The following CATSPERE variants were observed in gnomAD, a reference collection of about 807,000 sequenced individuals.
CATSPERE encodes catsper channel auxiliary subunit epsilon, also known as cation channel sperm-associated auxiliary subunit epsilon.
CATSPERE carries 93 observed loss-of-function variants against 114.1 expected under a neutral mutation model. That is an observed-to-expected ratio of 0.81 (90% CI 0.69 to 0.97). The LOEUF is 0.97. CATSPERE is among the 50% of genes least tolerant of loss of function. CATSPERE has a pLI of 0.00. For synonymous variants in CATSPERE, 341 were observed against 384.1 expected (o/e 0.89, Z 1.31); for missense variants, 1,058 against 1,131.6 (o/e 0.93, Z 0.93).
At chr1:244,567,304 G>A (rs1663733424) in intron 10 of CATSPERE, among the ~76,000 whole-genome samples, 1 of 152,152 alleles carries the variant, frequency 6.6e-6, no homozygotes, top group African/African-American at 2.4e-5. Context: ...CAACCTTGGT[G>A]AATCTGATGA....
At chr1:244,609,630 G>A (rs1670452243) in intron 18 of CATSPERE, among the ~76,000 whole-genome samples, 2 of 151,996 alleles carry the variant, frequency 1.3e-5, no homozygotes, top group East Asian at 3.9e-4. Flanking sequence ...GAAGATCTTT[G>A]TAATAAGAAA....
chr1:244,533,362 A>G (rs1679910391), intron 8 of CATSPERE, among the ~76,000 whole-genome samples: 1 of 152,068 alleles, frequency 6.6e-6, no homozygotes, highest in Non-Finnish European at 1.5e-5. Flanking sequence ...ATCCAGTGTT[A>G]TTATTGATAA....
chr1:244,617,631 A>G lies in CATSPERE; in HGVS notation c.2593A>G (p.Met865Val). ...SSNGNHIFWP[M>V]GHSGMYVFRV... The stretch of plus-strand genomic sequence containing the variant: ...TAATGGTAACCATATATTTTGGCCC[A>G]TGGGCCATTCTGGAATGTATGTATT... Residue 865 changes from methionine (M) to valine (V), a missense_variant, in exon 20 of 22, where the codon ATG becomes GTG. Physicochemically the swap from Met to Val is conservative, Grantham distance 21. Around this residue, in one of 2 missense-constraint regions of CATSPERE, gnomAD observed 787 missense variants for 905.6 expected, o/e 0.87. Coordinates refer to ENST00000366534, the MANE Select transcript of CATSPERE (RefSeq NM_001130957.2). 1 of 1,545,540 alleles carries G rather than the reference A, an allele frequency of 6.5e-7. No individual in the cohort carries two copies. Among genetic ancestry groups the G allele is most frequent in the Non-Finnish European group, 8.7e-7 (1 of 1,145,602 alleles).
intron 8 of CATSPERE, among the ~76,000 whole-genome samples, chr1:244,526,078 A>G (rs1188840730): frequency 6.6e-6 from 1 of 152,214 alleles, no homozygotes; most frequent in Non-Finnish European, 1.5e-5. Context: ...GTGAGTGGGT[A>G]GCCAACGTAG....
At chr1:244,496,036 G>A (rs756294880) in intron 6 of CATSPERE, among the ~76,000 whole-genome samples, 2 of 152,142 alleles carry the variant, frequency 1.3e-5, no homozygotes, top group African/African-American at 2.4e-5. Context: ...ATATTCAGGC[G>A]TGTGAAATCA....
chr1:244,537,968 A>G (rs1680621428), intron 8 of CATSPERE, among the ~76,000 whole-genome samples: 1 of 152,100 alleles, frequency 6.6e-6, no homozygotes, highest in East Asian at 1.9e-4. Flanking sequence ...ATAATAGTGG[A>G]TTTTTCTATT....
At position 244,562,265 on chromosome 1, in the gene CATSPERE, G is replaced by A. The variant is rs577218263; in HGVS notation, c.1507+1120G>A. On this transcript the variant is annotated intron_variant, in intron 10 of 21. Coordinates refer to ENST00000366534, the MANE Select transcript of CATSPERE (RefSeq NM_001130957.2). ...ACAATACATATAATAGATATAAAAC[G>A]AATGCCATTTTAACTGCTGTGTATT... Among the ~76,000 whole-genome samples, 9 of 150,124 alleles carry A rather than the reference G, an allele frequency of 6.0e-5. No individual in the cohort carries two copies. In the South Asian group the frequency reaches 6.3e-4, roughly 11 times the overall value.
At position 244,461,437 on chromosome 1, in the gene CATSPERE, C is replaced by A. The variant is rs555071608; in HGVS notation, c.8C>A (p.Ala3Asp). 86 of 1,384,758 alleles carry A rather than the reference C, an allele frequency of 6.2e-5. 1 individual carries two copies. In the East Asian group the frequency reaches 2.3e-3, roughly 36 times the overall value. 85.8% of individuals were successfully genotyped at this position (1,384,758 alleles called of 1,614,324 possible). ...GGAGGCGGAGCAGGCGCCATGTCAG[C>A]CCGGGAAGTGGCCGTGCTGCTGCTG... MS[A>D]REVAVLLLWL... The change falls in exon 1 of 22, where the codon GCC (alanine) becomes GAC (aspartate). Residue 3 changes from alanine (A) to aspartate (D), a missense_variant. By Grantham distance (126) the Ala-to-Asp change is moderately radical. Around this residue, in one of 2 missense-constraint regions of CATSPERE, gnomAD observed 271 missense variants for 225.9 expected, o/e 1.20. Coordinates refer to ENST00000366534, the MANE Select transcript of CATSPERE (RefSeq NM_001130957.2).
intron 10 of CATSPERE, among the ~76,000 whole-genome samples, chr1:244,563,658 C>A (rs1662940674): frequency 6.6e-6 from 1 of 152,106 alleles, no homozygotes; most frequent in Admixed American, 6.5e-5. Flanking sequence ...TGGATATTAG[C>A]CCTTTGTCAG....
chr1:244,567,611 T>C (rs1260696441), intron 10 of CATSPERE, among the ~76,000 whole-genome samples: 15 of 151,900 alleles, frequency 9.9e-5, no homozygotes, highest in African/African-American at 3.4e-4. Flanking sequence ...TAATCTCTGA[T>C]ATCCTTTCTT....
At chr1:244,586,964 T>G (rs1667108730) in intron 13 of CATSPERE, among the ~76,000 whole-genome samples, 1 of 152,334 alleles carries the variant, frequency 6.6e-6, no homozygotes, top group East Asian at 1.9e-4. Context: ...TATTTTTAAC[T>G]TTCACTATCT....
chr1:244,517,626 A>G (rs993438146), intron 7 of CATSPERE, among the ~76,000 whole-genome samples: 2 of 151,836 alleles, frequency 1.3e-5, no homozygotes, highest in Non-Finnish European at 2.9e-5. Flanking sequence ...AAAAAAAATT[A>G]GTGGGGCATG....
chr1:244,594,302 A>G (rs1304574467), intron 17 of CATSPERE, among the ~76,000 whole-genome samples: 1 of 152,256 alleles, frequency 6.6e-6, no homozygotes, highest in Non-Finnish European at 1.5e-5. Flanking sequence ...CCTGGGCAAC[A>G]GAGTGAGACC....
intron 11 of CATSPERE, among the ~76,000 whole-genome samples, chr1:244,581,129 G>A (rs1049562790): frequency 1.3e-5 from 2 of 151,980 alleles, no homozygotes; most frequent in Admixed American, 1.3e-4. Flanking sequence ...GGGAATCATT[G>A]CATGTATATT....
chr1:244,622,198 T>C (rs1037235005), intron 20 of CATSPERE, among the ~76,000 whole-genome samples: 1 of 151,994 alleles, frequency 6.6e-6, no homozygotes, highest in East Asian at 1.9e-4. Flanking sequence ...CTAGGGGAAA[T>C]GGGAGAAAGA....
At chr1:244,533,234 A>G (rs1397965221) in intron 8 of CATSPERE, among the ~76,000 whole-genome samples, 1 of 151,762 alleles carries the variant, frequency 6.6e-6, no homozygotes, top group African/African-American at 2.4e-5. Context: ...TTTATTTTCA[A>G]TTTATTCATG....
At chr1:244,483,262 A>G (rs148639314) in intron 5 of CATSPERE, among the ~76,000 whole-genome samples, 48 of 152,360 alleles carry the variant, frequency 3.2e-4, no homozygotes, top group African/African-American at 1.1e-3. Flanking sequence ...AGAAGATTCT[A>G]TAGTAATTTA....
At chr1:244,631,324 T>C (rs551374437) in intron 20 of CATSPERE, among the ~76,000 whole-genome samples, 54 of 152,180 alleles carry the variant, frequency 3.5e-4, no homozygotes, top group Admixed American at 2.3e-3. Flanking sequence ...TAGACCTAAA[T>C]GTAAAATGCA....
chr1:244,453,289 C>T (rs1665794152), upstream of CATSPERE, among the ~76,000 whole-genome samples: 1 of 152,204 alleles, frequency 6.6e-6, no homozygotes, highest in Non-Finnish European at 1.5e-5. Context: ...TAGTGTTGGG[C>T]AGATAGTAGA....
Sources: gnomAD v4.1 joint callset for allele counts (sites outside exome capture counted in the v4.1 genomes callset) on GRCh38, gnomAD v4.1.1 for gene constraint, gnomAD v4.1.1 regional missense constraint, MANE v1.5 for transcripts, NCBI Gene and HGNC (gene_info 2026-07-23, HGNC 2026-07-21) for gene names.